CMSS1: variants seen among roughly 807,000 people sequenced by gnomAD.
The protein encoded by CMSS1 is protein CMSS1.
A neutral mutation model predicts 43.5 loss-of-function variants in CMSS1; 33 were observed. That is an observed-to-expected ratio of 0.76 (90% CI 0.57 to 1.01). The LOEUF (loss-of-function observed/expected upper bound fraction) is 1.01, where lower values mean the gene tolerates loss of function less well. Among genes scored for constraint, CMSS1 ranks in the 50% least tolerant of loss-of-function variants. The probability of loss-of-function intolerance (pLI) is 0.00; values close to 1 mark genes in which losing one functional copy is unlikely to be tolerated. For missense variants in CMSS1, 313 were observed against 326.4 expected (o/e 0.96, Z 0.32); for synonymous variants, 115 against 117.2 (o/e 0.98, Z 0.12).
At chr3:99,850,414 C>T (rs1467780426) in intron 1 of CMSS1, 1 of 1,613,874 alleles carries the variant, frequency 6.2e-7, no homozygotes, top group East Asian at 2.2e-5. Context: ...AATTCTTTTA[C>T]TGAGTTTTTC....
intron 2 of CMSS1, among the ~76,000 whole-genome samples, chr3:100,151,702 G>A (rs547695725): frequency 1.1e-4 from 16 of 152,252 alleles, no homozygotes; most frequent in Admixed American, 5.2e-4. Context: ...CCGGGAGATC[G>A]AGATCATGAG....
At chr3:99,984,465 A>G (rs990680257) in intron 1 of CMSS1, among the ~76,000 whole-genome samples, 2 of 152,130 alleles carry the variant, frequency 1.3e-5, no homozygotes, top group African/African-American at 4.8e-5. Flanking sequence ...AACTCTAAAG[A>G]TTTGTGAAAT....
At chr3:100,053,394 T>G (rs189060099) in intron 1 of CMSS1, among the ~76,000 whole-genome samples, 237 of 152,342 alleles carry the variant, frequency 1.6e-3, no homozygotes, top group Middle Eastern at 3.4e-3. Flanking sequence ...CCAACAGTCC[T>G]TGGCATTCCT....
At chr3:99,877,389 G>A (rs577604056) in intron 1 of CMSS1, among the ~76,000 whole-genome samples, 4 of 152,140 alleles carry the variant, frequency 2.6e-5, no homozygotes, top group African/African-American at 9.7e-5. Context: ...AAGGATGTTT[G>A]CAGAGTTGTT....
intron 1 of CMSS1, among the ~76,000 whole-genome samples, chr3:99,879,004 G>A (rs1705631801): frequency 6.6e-6 from 1 of 152,192 alleles, no homozygotes; most frequent in Admixed American, 6.5e-5. Context: ...CCTCAAAATT[G>A]GATGAGAGAG....
At chr3:100,097,649 G>C (rs1455055589) in intron 1 of CMSS1, among the ~76,000 whole-genome samples, 1 of 152,132 alleles carries the variant, frequency 6.6e-6, no homozygotes, top group African/African-American at 2.4e-5. Context: ...ATGTATTTGT[G>C]AACATGTACG....
At position 100,016,401 on chromosome 3, in the gene CMSS1, G is replaced by A. The variant is rs571633952; in HGVS notation, c.65-130572G>A. ...AGGCAGGGTATCTCCATGTTGGTCAGGCTGGTCTCAAATTCCTGACCTCAG... is the reference window on the plus strand; with the variant it reads ...AGGCAGGGTATCTCCATGTTGGTCAAGCTGGTCTCAAATTCCTGACCTCAG... On this transcript the variant is annotated intron_variant, in intron 1 of 9. Transcript: ENST00000421999. 7.9e-5 allele frequency among the ~76,000 whole-genome samples: 12 copies of A among 152,282 alleles called. No individual in the cohort carries two copies. In the South Asian group the frequency reaches 2.5e-3, roughly 32 times the overall value.
chr3:99,957,562 T>C (rs1055140070), intron 1 of CMSS1, among the ~76,000 whole-genome samples: 13 of 152,182 alleles, frequency 8.5e-5, no homozygotes, highest in African/African-American at 3.1e-4. Context: ...ACTTCTTTAA[T>C]ACCGTAAACA....
At chr3:100,085,866 T>C (rs1272114221) in intron 1 of CMSS1, among the ~76,000 whole-genome samples, 1 of 152,208 alleles carries the variant, frequency 6.6e-6, no homozygotes, top group Non-Finnish European at 1.5e-5. Flanking sequence ...GGTTACATTT[T>C]CATGAAGAGT....
At chr3:100,063,097 C>T (rs1379373126) in intron 1 of CMSS1, among the ~76,000 whole-genome samples, 2 of 152,168 alleles carry the variant, frequency 1.3e-5, no homozygotes, top group African/African-American at 2.4e-5. Context: ...TTATATGCCT[C>T]TTTGTCATTA....
chr3:100,128,883 G>A (rs934871979), intron 1 of CMSS1, among the ~76,000 whole-genome samples: 33 of 152,198 alleles, frequency 2.2e-4, no homozygotes, highest in East Asian at 1.2e-3. Flanking sequence ...ATATGCCATC[G>A]TTTATCCGTT....
intron 1 of CMSS1, among the ~76,000 whole-genome samples, chr3:99,839,928 T>C (rs1418454689): frequency 6.6e-6 from 1 of 152,214 alleles, no homozygotes; most frequent in Admixed American, 6.5e-5. Flanking sequence ...GGAACTCTTA[T>C]AGAGTCACTT....
At chr3:100,023,741 G>T (rs16841886) in intron 1 of CMSS1, among the ~76,000 whole-genome samples, 2 of 152,056 alleles carry the variant, frequency 1.3e-5, no homozygotes, top group South Asian at 4.2e-4. Context: ...GCCTGGTCTC[G>T]CCATTGCAAA....
intron 1 of CMSS1, among the ~76,000 whole-genome samples, chr3:99,992,002 ATGTGTG>A (rs1201211092): frequency 6.7e-6 from 1 of 149,646 alleles, no homozygotes; most frequent in African/African-American, 2.5e-5. Flanking sequence ...ACGTATATAT[ATGTGTG>A]TGTGTATATA....
chr3:99,891,416 C>G (rs1706079184), intron 1 of CMSS1, among the ~76,000 whole-genome samples: 1 of 152,112 alleles, frequency 6.6e-6, no homozygotes, highest in Non-Finnish European at 1.5e-5. Flanking sequence ...AAGCAAAAAC[C>G]AGCTTTTGTG....
At chr3:100,126,474 C>T (rs967730158) in intron 1 of CMSS1, among the ~76,000 whole-genome samples, 2 of 152,134 alleles carry the variant, frequency 1.3e-5, no homozygotes, top group African/African-American at 4.8e-5. Flanking sequence ...CACATGGGTT[C>T]CTACAAACGT....
At chr3:99,843,749 G>C (rs923454683) in intron 1 of CMSS1, among the ~76,000 whole-genome samples, 1 of 152,032 alleles carries the variant, frequency 6.6e-6, no homozygotes, top group Non-Finnish European at 1.5e-5. Flanking sequence ...CCTGGGCCAC[G>C]GACTGGTAGC....
At chr3:99,893,209 A>T (rs1393945329) in intron 1 of CMSS1, among the ~76,000 whole-genome samples, 1 of 132,026 alleles carries the variant, frequency 7.6e-6, no homozygotes, top group Non-Finnish European at 1.5e-5. Flanking sequence ...TCTGTTGCCC[A>T]GGCTGGAGTG....
At chr3:99,873,170 G>A (rs1449866516) in intron 1 of CMSS1, among the ~76,000 whole-genome samples, 1 of 152,184 alleles carries the variant, frequency 6.6e-6, no homozygotes, top group Non-Finnish European at 1.5e-5. Context: ...TTGAAGGTTT[G>A]TGATGCTGGC....
Sources: gnomAD v4.1 joint callset for allele counts (sites outside exome capture counted in the v4.1 genomes callset) on GRCh38, gnomAD v4.1.1 for gene constraint, MANE v1.5 for transcripts, NCBI Gene and HGNC (gene_info 2026-07-23, HGNC 2026-07-21) for gene names.